SCML2: variants seen among roughly 807,000 people sequenced by gnomAD.
SCML2 encodes sex comb on midleg-like protein 2.
Under a neutral mutation model 48.4 loss-of-function variants are expected in SCML2, and 6 were observed. The observed-to-expected ratio is 0.12, with a 90% CI of 0.07 to 0.24. The LOEUF is 0.24. Ranked by LOEUF, SCML2 falls within the 10% of genes least tolerant of loss-of-function variation. SCML2 has a pLI of 1.00. For synonymous variants in SCML2, 181 were observed against 189.5 expected (o/e 0.95, Z 0.37); for missense variants, 377 against 528.2 (o/e 0.71, Z 2.81).
chrX:18,296,254 AATAG>A (rs767726651), intron 7 of SCML2, among the ~76,000 whole-genome samples: 6 of 110,864 alleles, frequency 5.4e-5, no homozygotes, highest in Admixed American at 9.6e-5. Flanking sequence ...TCACCAGAGA[AATAG>A]ATAGCATAAA....
In SCML2 at chrX:18,283,107, A is replaced by G. The variant is rs778743437; in HGVS notation, c.731-17305T>C. 9.8e-5 allele frequency among the ~76,000 whole-genome samples: 11 copies of G among 112,258 alleles called. No homozygotes were observed. In the South Asian group the frequency reaches 4.1e-3, roughly 42 times the overall value. ...ATCAAAAAGTTAATTCACCACGATC[A>G]AGCAGGCTTTATTCCTGGGATGCAA... On this transcript the variant is annotated intron_variant, in intron 7 of 14. Transcript: ENST00000251900.
Position 18,273,975 on chromosome X carries a change from C to T in SCML2, c.731-8173G>A, listed in dbSNP as rs139105882. 5.7e-3 allele frequency among the ~76,000 whole-genome samples: 634 copies of T among 111,155 alleles called. 3 individuals carry two copies. Among genetic ancestry groups the T allele is most frequent in the African/African-American group, 0.019 (585 of 30,503 alleles). The stretch of plus-strand genomic sequence containing the variant: ...CAATTCCCCATCCCACTGAGAGCCA[C>T]CTCCATCAGCAATAAAATCCCCCAC... On this transcript the variant is annotated intron_variant, in intron 7 of 14. Transcript: ENST00000251900.
chrX:18,266,504 C>T (rs1427767610), intron 7 of SCML2, among the ~76,000 whole-genome samples: 1 of 111,260 alleles, frequency 9.0e-6, no homozygotes, highest in African/African-American at 3.3e-5. Flanking sequence ...TTACTTTTGT[C>T]CATGTTCACA....
At chrX:18,295,140 G>A (rs1002116950) in intron 7 of SCML2, among the ~76,000 whole-genome samples, 3 of 111,675 alleles carry the variant, frequency 2.7e-5, no homozygotes, top group Admixed American at 9.4e-5. Context: ...CCAAGCAGCA[G>A]TACGGAGGCA....
At chrX:18,292,637 A>T (rs5955961) in intron 7 of SCML2, among the ~76,000 whole-genome samples, 4,782 of 110,063 alleles carry the variant, frequency 0.043, 269 homozygotes, top group African/African-American at 0.15. Flanking sequence ...TGTTTTTTTT[A>T]AAAAAAAGCC....
At chrX:18,328,859 T>C (rs1025729377) in intron 3 of SCML2, among the ~76,000 whole-genome samples, 4 of 112,020 alleles carry the variant, frequency 3.6e-5, no homozygotes. Context: ...ATTTCTAAAA[T>C]AGGATGTTAG....
chrX:18,289,057 T>A (rs1355632642), intron 7 of SCML2, among the ~76,000 whole-genome samples: 3 of 111,399 alleles, frequency 2.7e-5, no homozygotes, highest in Non-Finnish European at 5.7e-5. Flanking sequence ...TTACCCGGGG[T>A]CAGAGAAACT....
chrX:18,246,806 T>C lies in SCML2; in HGVS notation c.1593A>G (p.Gly531=), dbSNP rs1277766340. The C allele has an allele frequency of 8.3e-7, 1 of 1,203,369 alleles. No individual in the cohort carries two copies. Among genetic ancestry groups the C allele is most frequent in the South Asian group, 1.8e-5 (1 of 55,320 alleles). Reference sequence around the variant, plus strand: ...GATTCTCCTCTTTGGGAATGGCACTTCCCCCAGCAAACAATGGTTCTCCTA... The same window carrying C: ...GATTCTCCTCTTTGGGAATGGCACTCCCCCCAGCAAACAATGGTTCTCCTA... ...ASEGEPLFAG[G]SAIPKEENLS... Residue 531 remains glycine (G), a synonymous_variant, in exon 13 of 15, where the codon GGA becomes GGG. Coordinates refer to ENST00000251900, the MANE Select transcript of SCML2 (RefSeq NM_006089.3).
At chrX:18,269,635 A>G (rs2147485911) in intron 7 of SCML2, among the ~76,000 whole-genome samples, 1 of 111,975 alleles carries the variant, frequency 8.9e-6, no homozygotes, top group East Asian at 2.8e-4. Flanking sequence ...CTAAATATAT[A>G]GAATGAAGAA....
intron 7 of SCML2, among the ~76,000 whole-genome samples, chrX:18,294,171 A>G (rs1442293393): frequency 8.9e-6 from 1 of 112,159 alleles, no homozygotes; most frequent in Non-Finnish European, 1.9e-5. Flanking sequence ...AAATCACTTC[A>G]AGATGGCTGA....
chrX:18,344,418 G>C (rs1930134108), intron 1 of SCML2, among the ~76,000 whole-genome samples: 1 of 111,840 alleles, frequency 8.9e-6, no homozygotes, highest in East Asian at 2.8e-4. Flanking sequence ...CAAAAGACAA[G>C]GCTCCAATAC....
At chrX:18,339,744 G>A (rs1351588940) in intron 1 of SCML2, among the ~76,000 whole-genome samples, 1 of 111,144 alleles carries the variant, frequency 9.0e-6, no homozygotes, top group Non-Finnish European at 1.9e-5. Flanking sequence ...TTAAAAAGAA[G>A]AGAAGGTGGC....
intron 7 of SCML2, among the ~76,000 whole-genome samples, chrX:18,268,777 AAAAAG>A (rs770234154): frequency 9.5e-4 from 105 of 110,787 alleles, no homozygotes; most frequent in African/African-American, 3.3e-3. Context: ...TAATAAAAAA[AAAAAG>A]AAAAGTTTTC....
intron 7 of SCML2, among the ~76,000 whole-genome samples, chrX:18,301,036 A>G (rs960343066): frequency 2.7e-5 from 3 of 111,931 alleles, no homozygotes; most frequent in African/African-American, 9.7e-5. Context: ...TCTGAATAAC[A>G]GTAGATTTCT....
chrX:18,293,835 A>T (rs1181814088), intron 7 of SCML2, among the ~76,000 whole-genome samples: 1 of 112,502 alleles, frequency 8.9e-6, no homozygotes, highest in Non-Finnish European at 1.9e-5. Flanking sequence ...ACCAAAAGTC[A>T]AAAGAATGTC....
chrX:18,344,916 T>A (rs1432947857), intron 1 of SCML2, among the ~76,000 whole-genome samples: 2 of 111,350 alleles, frequency 1.8e-5, no homozygotes, highest in Non-Finnish European at 3.8e-5. Context: ...GTGTTGGCAG[T>A]GGTGATACTA....
chrX:18,259,491 C>T (rs1029991432), intron 9 of SCML2, among the ~76,000 whole-genome samples: 2 of 111,545 alleles, frequency 1.8e-5, no homozygotes, highest in Non-Finnish European at 3.8e-5. Context: ...GACTGTTATC[C>T]TTCAGAAATG....
At chrX:18,257,996 AGGG>A (rs760699293) in intron 10 of SCML2, 45 bp downstream of exon 10, 1 of 733,776 alleles carries the variant, frequency 1.4e-6, no homozygotes, top group Non-Finnish European at 1.9e-6. Flanking sequence ...GGAAGGGGGA[AGGG>A]AAGGGGGAAG....
chrX:18,341,460 C>T (rs780590922), intron 1 of SCML2: 8 of 148,705 alleles, frequency 5.4e-5, no homozygotes, highest in Admixed American at 2.4e-4. Context: ...CTGGGCACTC[C>T]GTGCTGATGC....
Sources: gnomAD v4.1 joint callset for allele counts (sites outside exome capture counted in the v4.1 genomes callset) on GRCh38, gnomAD v4.1.1 for gene constraint, MANE v1.5 for transcripts, NCBI Gene and HGNC (gene_info 2026-07-23, HGNC 2026-07-21) for gene names.